PRKG1: variants seen among roughly 807,000 people sequenced by gnomAD.
The protein encoded by PRKG1 is protein kinase cGMP-dependent 1.
In PRKG1, 35 loss-of-function variants were observed where a neutral mutation model predicts 88.1. The ratio of observed to expected loss-of-function variants is 0.40; its 90% confidence interval spans 0.30 to 0.53. The LOEUF (loss-of-function observed/expected upper bound fraction) is 0.53, where lower values mean the gene tolerates loss of function less well. Among genes scored for constraint, PRKG1 ranks in the 20% least tolerant of loss-of-function variants. PRKG1 has a pLI of 0.59. For synonymous variants in PRKG1, 303 were observed against 292.5 expected (o/e 1.04, Z -0.37); for missense variants, 540 against 839.8 (o/e 0.64, Z 4.41).
chr10:51,418,050 T>G lies in PRKG1; in HGVS notation c.479-49673T>G, dbSNP rs148859177. Among the ~76,000 whole-genome samples, 220 of 152,304 alleles carry G rather than the reference T, an allele frequency of 1.4e-3. 1 individual carries two copies. Among genetic ancestry groups the G allele is most frequent in the African/African-American group, 5.0e-3 (208 of 41,576 alleles). On this transcript the variant is annotated intron_variant, in intron 2 of 17. Coordinates refer to ENST00000373980, the MANE Select transcript of PRKG1 (RefSeq NM_006258.4). ...ACCCTTCGCAGTTTCTATTAGTAAA[T>G]GTTTATCGTTTTTATTCTTCTATGC... is the stretch of plus-strand genomic sequence containing the variant.
chr10:51,037,493 CA>C (rs1341374976), intron 1 of PRKG1, among the ~76,000 whole-genome samples: 1 of 151,180 alleles, frequency 6.6e-6, no homozygotes, highest in Non-Finnish European at 1.5e-5. Flanking sequence ...ACAAAACAAA[CA>C]AAAAACTGGC....
At chr10:51,178,754 T>C (rs1024289286) in intron 2 of PRKG1, among the ~76,000 whole-genome samples, 1 of 152,154 alleles carries the variant, frequency 6.6e-6, no homozygotes, top group African/African-American at 2.4e-5. Context: ...TTAGTCTTTG[T>C]AAAATACAAA....
At chr10:51,922,342 A>G (rs997906988) in intron 5 of PRKG1, among the ~76,000 whole-genome samples, 2 of 150,762 alleles carry the variant, frequency 1.3e-5, no homozygotes, top group Non-Finnish European at 3.0e-5. Context: ...TTTTCCAAGA[A>G]CCACTTTTGG....
chr10:51,479,942 A>G (rs1013193646), intron 3 of PRKG1, among the ~76,000 whole-genome samples: 2 of 152,134 alleles, frequency 1.3e-5, no homozygotes, highest in Non-Finnish European at 2.9e-5. Flanking sequence ...TTGAATCACC[A>G]GTAGCTTAAA....
At chr10:52,261,495 T>G (rs1841431542) in intron 10 of PRKG1, among the ~76,000 whole-genome samples, 1 of 151,870 alleles carries the variant, frequency 6.6e-6, no homozygotes, top group South Asian at 2.1e-4. Context: ...TGTGTGTAGG[T>G]GTTGGGGGGG....
intron 2 of PRKG1, among the ~76,000 whole-genome samples, chr10:51,221,811 A>G (rs1463009946): frequency 6.6e-6 from 1 of 152,010 alleles, no homozygotes; most frequent in East Asian, 1.9e-4. Flanking sequence ...TCAGAGGCAG[A>G]AAATAATAAA....
intron 2 of PRKG1, among the ~76,000 whole-genome samples, chr10:51,289,531 C>G (rs142352106): frequency 6.6e-6 from 1 of 152,256 alleles, no homozygotes; most frequent in Non-Finnish European, 1.5e-5. Flanking sequence ...AGGAGTATCT[C>G]TGTCCAAATT....
chr10:51,023,176 C>T (rs1031361960), intron 1 of PRKG1, among the ~76,000 whole-genome samples: 3 of 152,164 alleles, frequency 2.0e-5, no homozygotes, highest in African/African-American at 7.2e-5. Flanking sequence ...AGTACAAATT[C>T]TCTTGTCCTT....
At chr10:51,367,495 C>G (rs1387184180) in intron 2 of PRKG1, among the ~76,000 whole-genome samples, 1 of 151,850 alleles carries the variant, frequency 6.6e-6, no homozygotes, top group African/African-American at 2.4e-5. Flanking sequence ...CTCCTTTTTT[C>G]TTTTTTCACA....
intron 1 of PRKG1, among the ~76,000 whole-genome samples, chr10:51,031,440 G>A (rs767292153): frequency 3.3e-5 from 5 of 152,098 alleles, no homozygotes; most frequent in Non-Finnish European, 5.9e-5. Flanking sequence ...CTCAACAAAT[G>A]CTTTAGAATG....
intron 5 of PRKG1, among the ~76,000 whole-genome samples, chr10:51,961,119 C>G (rs1208227883): frequency 6.6e-6 from 1 of 152,094 alleles, no homozygotes; most frequent in Non-Finnish European, 1.5e-5. Flanking sequence ...TCATTATAAG[C>G]TTTTCTAGAG....
At chr10:51,810,427 T>C (rs944718039) in intron 4 of PRKG1, among the ~76,000 whole-genome samples, 1 of 152,158 alleles carries the variant, frequency 6.6e-6, no homozygotes, top group Non-Finnish European at 1.5e-5. Flanking sequence ...AGCATCTGTA[T>C]ACAAAGGATC....
chr10:51,489,842 G>T (rs759027784), intron 3 of PRKG1, among the ~76,000 whole-genome samples: 52 of 152,000 alleles, frequency 3.4e-4, no homozygotes, highest in Middle Eastern at 3.2e-3. Context: ...TGATGAATAA[G>T]GATTTGAAAA....
At chr10:51,120,205 G>A (rs1259103879) in intron 1 of PRKG1, among the ~76,000 whole-genome samples, 1 of 152,052 alleles carries the variant, frequency 6.6e-6, no homozygotes, top group Non-Finnish European at 1.5e-5. Context: ...ATAACAAAGT[G>A]TGCTCACTGC....
At chr10:51,958,935 G>A (rs1843379854) in intron 5 of PRKG1, among the ~76,000 whole-genome samples, 1 of 152,162 alleles carries the variant, frequency 6.6e-6, no homozygotes, top group Admixed American at 6.5e-5. Context: ...AATGGTGAGT[G>A]ATGTGGATTA....
At chr10:52,110,879 AG>A (rs1847547727) in intron 7 of PRKG1, among the ~76,000 whole-genome samples, 1 of 152,112 alleles carries the variant, frequency 6.6e-6, no homozygotes, top group Non-Finnish European at 1.5e-5. Context: ...CCTCTTAGGA[AG>A]GGTAAATTAT....
At chr10:52,035,989 T>C (rs1349009817) in intron 5 of PRKG1, among the ~76,000 whole-genome samples, 1 of 152,158 alleles carries the variant, frequency 6.6e-6, no homozygotes, top group Non-Finnish European at 1.5e-5. Flanking sequence ...TGTTGTTTTG[T>C]AGAAGGTGCT....
intron 1 of PRKG1, among the ~76,000 whole-genome samples, chr10:51,128,875 G>A (rs958814315): frequency 6.6e-6 from 1 of 152,130 alleles, no homozygotes; most frequent in Non-Finnish European, 1.5e-5. Context: ...CAACAAAGAC[G>A]TTAATTCGAT....
At chr10:51,504,054 G>C (rs946606777) in intron 3 of PRKG1, among the ~76,000 whole-genome samples, 4 of 152,092 alleles carry the variant, frequency 2.6e-5, no homozygotes, top group African/African-American at 9.7e-5. Context: ...TATTTATTGG[G>C]ATAATCACTG....
Sources: allele counts gnomAD v4.1 joint callset (sites outside exome capture counted in the v4.1 genomes callset), GRCh38; gene constraint gnomAD v4.1.1; transcripts MANE v1.5; gene names NCBI Gene and HGNC (gene_info 2026-07-23, HGNC 2026-07-21).